ARHGAP8: variants seen among roughly 807,000 people sequenced by gnomAD.
The protein encoded by ARHGAP8 is rho GTPase-activating protein 8.
In ARHGAP8, 62 loss-of-function variants were observed where a neutral mutation model predicts 46.1. That is an observed-to-expected ratio of 1.34 (90% CI 1.10 to 1.66). The LOEUF (loss-of-function observed/expected upper bound fraction) is 1.66, where lower values mean the gene tolerates loss of function less well. Among genes scored for constraint, ARHGAP8 ranks in the 40% most tolerant of loss-of-function variants. The pLI is 0.00. For missense variants in ARHGAP8, 923 were observed against 568.4 expected, an observed-to-expected ratio of 1.62 and a Z score of -6.34; for synonymous variants, 375 against 243.1, an observed-to-expected ratio of 1.54 and a Z score of -5.05.
chr22:44,859,583 C>T (rs750302162), intron 10 of ARHGAP8, 148 bp from the exon 11 acceptor site: 64 of 763,540 alleles, frequency 8.4e-5, no homozygotes, highest in African/African-American at 3.7e-4. Flanking sequence ...GCCATACGGC[C>T]AGAAGATAAG....
chr22:44,794,125 C>G (rs981526235), intron 2 of ARHGAP8, among the ~76,000 whole-genome samples: 5 of 152,224 alleles, frequency 3.3e-5, no homozygotes, highest in African/African-American at 1.2e-4. Flanking sequence ...TCAGTTTTCT[C>G]ACCTGTAAAT....
In ARHGAP8 at chr22:44,862,616, T is replaced by C; in HGVS notation, c.*21T>C. ...TCTAGTGTTGCGAACACTCTGTATA[T>C]TTCGAGCTACCTCCCACACCTGTCT... On this transcript the variant is annotated 3_prime_UTR_variant, in exon 12 of 12. Coordinates refer to ENST00000356099, the MANE Select transcript of ARHGAP8 (RefSeq NM_181335.3). 2 of 1,485,480 alleles carry C rather than the reference T, an allele frequency of 1.3e-6. No individual in the cohort carries two copies. Among genetic ancestry groups the C allele is most frequent in the Non-Finnish European group, 9.0e-7 (1 of 1,115,292 alleles). 92.0% of individuals were successfully genotyped at this position (1,485,480 alleles called of 1,614,324 possible).
chr22:44,787,340 G>GTT (rs1927332271), intron 2 of ARHGAP8, among the ~76,000 whole-genome samples: 1 of 151,672 alleles, frequency 6.6e-6, no homozygotes, highest in Non-Finnish European at 1.5e-5. Flanking sequence ...GTTTTGTTTT[G>GTT]TTTTGTTTTG....
intron 7 of ARHGAP8, among the ~76,000 whole-genome samples, chr22:44,827,337 T>G (rs13056514): frequency 8.4e-4 from 8 of 9,516 alleles, no homozygotes; most frequent in African/African-American, 2.3e-3. Context: ...TGGGTGGTGG[T>G]TTTTTTTTTT....
Position 44,862,760 on chromosome 22 carries a change from T to A in ARHGAP8, c.*165T>A. 3.8e-5 allele frequency: 32 copies of A among 845,334 alleles called. No homozygotes were observed. The highest frequency in any genetic ancestry group is 5.2e-5 in the Non-Finnish European group (30 of 575,860). 52.4% of individuals were successfully genotyped at this position (845,334 alleles called of 1,614,324 possible). On this transcript the variant is annotated 3_prime_UTR_variant, in exon 12 of 12. Coordinates refer to ENST00000356099, the MANE Select transcript of ARHGAP8 (RefSeq NM_181335.3). ...TCCTTGGACTCTTGTCCATGGTTCC[T>A]GAGCTGTGGACCGGGATAGAATAAT...
intron 7 of ARHGAP8, among the ~76,000 whole-genome samples, chr22:44,833,023 A>G (rs1230232934): frequency 6.6e-6 from 1 of 151,936 alleles, no homozygotes; most frequent in African/African-American, 2.4e-5. Flanking sequence ...TACTAAGCAT[A>G]ATGTTAGCTG....
At chr22:44,827,562 T>G (rs1001571612) in intron 7 of ARHGAP8, among the ~76,000 whole-genome samples, 6 of 151,892 alleles carry the variant, frequency 4.0e-5, no homozygotes, top group African/African-American at 7.3e-5. Context: ...AGGCTGGTCT[T>G]GAACTCCTGA....
intron 8 of ARHGAP8, 82 bp from the exon 9 acceptor site, chr22:44,847,891 G>A (rs2269542): frequency 0.062 from 95,702 of 1,547,990 alleles, 4,846 homozygotes; most frequent in East Asian, 0.3. Context: ...GGGTGATGCC[G>A]TGGGCAGGGG....
In ARHGAP8 at chr22:44,862,415, C is replaced by G. The variant is rs149982577; in HGVS notation, c.1122C>G (p.Ile374Met). Residue 374 changes from isoleucine to methionine, a missense_variant, in exon 12 of 12, where the codon ATC becomes ATG. Ile to Met is a conservative substitution (Grantham distance 10, BLOSUM62 1). Coordinates refer to ENST00000356099, the MANE Select transcript of ARHGAP8 (RefSeq NM_181335.3). ...VPLNMFTELL[I>M]EYYEKIFSTP... ...TGAACATGTTCACTGAACTGCTGAT[C>G]GAGTACTATGAAAAGATCTTCAGCA... is the stretch of plus-strand genomic sequence containing the variant. 6.0e-5 allele frequency: 97 copies of G among 1,613,952 alleles called. No homozygotes were observed. Among genetic ancestry groups the G allele is most frequent in the Non-Finnish European group, 7.4e-5 (87 of 1,179,998 alleles).
chr22:44,859,391 T>G (rs545014649), intron 10 of ARHGAP8, among the ~76,000 whole-genome samples: 161 of 152,338 alleles, frequency 1.1e-3, no homozygotes, highest in African/African-American at 3.8e-3. Context: ...TGCCACGTGA[T>G]GCACCTCCTT....
intron 4 of ARHGAP8, 41 bp from the exon 5 acceptor site, chr22:44,814,631 G>A (rs1194275150): frequency 1.9e-6 from 3 of 1,590,410 alleles, no homozygotes; most frequent in East Asian, 2.2e-5. Flanking sequence ...GTGTTTCTCG[G>A]AGCGCGGCAG....
intron 7 of ARHGAP8, among the ~76,000 whole-genome samples, chr22:44,828,660 C>A (rs1233914149): frequency 6.6e-6 from 1 of 151,844 alleles, no homozygotes; most frequent in Non-Finnish European, 1.5e-5. Flanking sequence ...ACCATGTTGG[C>A]CAGGCTGGTC....
intron 2 of ARHGAP8, among the ~76,000 whole-genome samples, chr22:44,794,474 G>A (rs903255291): frequency 2.0e-5 from 3 of 152,080 alleles, no homozygotes; most frequent in South Asian, 2.1e-4. Context: ...ACTTTGGGAG[G>A]CCGAGGCAGG....
intron 4 of ARHGAP8, among the ~76,000 whole-genome samples, chr22:44,810,236 C>CT (rs58029838): frequency 0.04 from 3,938 of 98,786 alleles, 74 homozygotes; most frequent in East Asian, 0.081. Context: ...ATATGGCAGC[C>CT]TTTTTTTTTT....
intron 3 of ARHGAP8, among the ~76,000 whole-genome samples, chr22:44,804,947 A>C (rs1232674206): frequency 6.6e-6 from 1 of 152,174 alleles, no homozygotes; most frequent in East Asian, 1.9e-4. Flanking sequence ...TGCAGGATTC[A>C]TGGGGCGAGC....
chr22:44,768,156 C>T (rs113730802), intron 1 of ARHGAP8, among the ~76,000 whole-genome samples: 3 of 151,224 alleles, frequency 2.0e-5, no homozygotes, highest in Admixed American at 6.6e-5. Context: ...ACCACCACGC[C>T]CGGCTAATTT....
At chr22:44,840,872 G>T (rs1041203133) in intron 7 of ARHGAP8, among the ~76,000 whole-genome samples, 1 of 152,356 alleles carries the variant, frequency 6.6e-6, no homozygotes, top group African/African-American at 2.4e-5. Flanking sequence ...CACTCTGTCT[G>T]CCTGGAGTGT....
At position 44,755,484 on chromosome 22, in the gene ARHGAP8, C is replaced by T. The variant is rs1028959828; in HGVS notation, c.-72+2857C>T. On this transcript the variant is annotated intron_variant, in intron 1 of 11. Coordinates refer to ENST00000356099, the MANE Select transcript of ARHGAP8 (RefSeq NM_181335.3). The stretch of plus-strand genomic sequence containing the variant: ...ACTGATGCTCAAGGAAGATGCATCA[C>T]GTGTGTCCAGATGCTTCCCAGGCCT... Among the ~76,000 whole-genome samples the T allele has an allele frequency of 2.6e-5, 4 of 152,248 alleles. No homozygotes were observed. In the East Asian group the frequency reaches 5.8e-4, roughly 22 times the overall value.
intron 7 of ARHGAP8, among the ~76,000 whole-genome samples, chr22:44,838,286 T>C (rs5766082): frequency 0.16 from 25,051 of 151,886 alleles, 2,201 homozygotes; most frequent in East Asian, 0.31. Flanking sequence ...TACAGGCACG[T>C]GCCACCACAC....
Sources: allele counts gnomAD v4.1 joint callset (sites outside exome capture counted in the v4.1 genomes callset), GRCh38; gene constraint gnomAD v4.1.1; transcripts MANE v1.5; gene names NCBI Gene and HGNC (gene_info 2026-07-23, HGNC 2026-07-21).